The following ELMO1 variants were observed in gnomAD, a reference collection of about 807,000 sequenced individuals.
ELMO1 encodes engulfment and cell motility 1.
Under a neutral mutation model 98.9 loss-of-function variants are expected in ELMO1, and 26 were observed. The observed-to-expected ratio is 0.26, with a 90% CI of 0.19 to 0.36. The LOEUF (loss-of-function observed/expected upper bound fraction) is 0.36. Ranked by LOEUF, ELMO1 falls within the 10% of genes least tolerant of loss-of-function variation. The probability of loss-of-function intolerance (pLI) is 1.00; values close to 1 mark genes in which losing one functional copy is unlikely to be tolerated. For synonymous variants in ELMO1, 346 were observed against 346.0 expected (o/e 1.00, Z 0.00); for missense variants, 627 against 935.2 (o/e 0.67, Z 4.30).
chr7:36,978,718 A>G (rs1409766512), intron 16 of ELMO1, among the ~76,000 whole-genome samples: 1 of 152,202 alleles, frequency 6.6e-6, no homozygotes, highest in South Asian at 2.1e-4. Context: ...CTAGAAGCAC[A>G]ATATCATTTG....
chr7:37,127,644 A>G (rs531086092), intron 14 of ELMO1, among the ~76,000 whole-genome samples: 1 of 152,328 alleles, frequency 6.6e-6, no homozygotes, highest in African/African-American at 2.4e-5. Context: ...CTCTGGCCAA[A>G]CGGGAAGGTG....
intron 16 of ELMO1, among the ~76,000 whole-genome samples, chr7:36,958,893 T>C (rs1199407002): frequency 1.3e-5 from 2 of 152,026 alleles, no homozygotes; most frequent in African/African-American, 2.4e-5. Flanking sequence ...CTACAAATTA[T>C]GTCTCTAGTC....
In ELMO1 at chr7:37,192,806, A is replaced by AAC. The variant is rs372884898; in HGVS notation, c.1086+18579_1086+18580insGT. Among the ~76,000 whole-genome samples, 930 of 147,854 alleles carry AAC rather than the reference A, an allele frequency of 6.3e-3. 9 individuals are homozygous for AAC. The highest frequency in any genetic ancestry group is 9.6e-3 in the Non-Finnish European group (648 of 67,254). ...AAACGAGACTCTGTCTCAAAAAAAAAAAAAAAAATGTGTGTGTGTGTATAT... is the reference window on the plus strand; with the variant it reads ...AAACGAGACTCTGTCTCAAAAAAAAAACAAAAAAAATGTGTGTGTGTGTATAT... On this transcript the variant is annotated intron_variant, in intron 13 of 21. Coordinates refer to ENST00000310758, the MANE Select transcript of ELMO1 (RefSeq NM_014800.11).
At chr7:37,190,838 C>A (rs1453506853) in intron 13 of ELMO1, among the ~76,000 whole-genome samples, 1 of 151,712 alleles carries the variant, frequency 6.6e-6, no homozygotes, top group African/African-American at 2.4e-5. Context: ...AAAAAAATTT[C>A]AAAAACCTAT....
chr7:37,358,178 A>G (rs1394242320), intron 1 of ELMO1, among the ~76,000 whole-genome samples: 1 of 152,142 alleles, frequency 6.6e-6, no homozygotes, highest in Non-Finnish European at 1.5e-5. Context: ...GAAAATAGAG[A>G]AACTTCCAAC....
At chr7:37,034,962 T>A (rs1795097375) in intron 15 of ELMO1, among the ~76,000 whole-genome samples, 1 of 152,174 alleles carries the variant, frequency 6.6e-6, no homozygotes, top group Non-Finnish European at 1.5e-5. Context: ...TGAGCAGCTT[T>A]ATAGATAAAG....
chr7:37,025,143 G>A (rs183519435), intron 15 of ELMO1, among the ~76,000 whole-genome samples: 7 of 152,114 alleles, frequency 4.6e-5, no homozygotes, highest in Admixed American at 1.3e-4. Context: ...CCCTTCATCC[G>A]TTGGCAAAAT....
chr7:37,032,670 T>A (rs1794943966), intron 15 of ELMO1, among the ~76,000 whole-genome samples: 1 of 152,106 alleles, frequency 6.6e-6, no homozygotes, highest in Non-Finnish European at 1.5e-5. Context: ...GAGAGGACAA[T>A]CCAACCACGA....
At chr7:37,191,392 A>T (rs1356814123) in intron 13 of ELMO1, among the ~76,000 whole-genome samples, 1 of 152,122 alleles carries the variant, frequency 6.6e-6, no homozygotes, top group Non-Finnish European at 1.5e-5. Flanking sequence ...TACCTCATGG[A>T]AACAAGGAAG....
intron 1 of ELMO1, among the ~76,000 whole-genome samples, chr7:37,364,800 T>C (rs984902178): frequency 1.3e-5 from 2 of 152,192 alleles, no homozygotes; most frequent in African/African-American, 2.4e-5. Flanking sequence ...GATAGAAAGA[T>C]AACACAAAAA....
At chr7:37,149,640 G>C (rs1167430681) in intron 13 of ELMO1, among the ~76,000 whole-genome samples, 2 of 152,156 alleles carry the variant, frequency 1.3e-5, no homozygotes, top group Admixed American at 6.5e-5. Flanking sequence ...CAGAAGCTGT[G>C]ACACAGCCTT....
chr7:36,923,183 T>C (rs1352488942), intron 16 of ELMO1, among the ~76,000 whole-genome samples: 1 of 152,140 alleles, frequency 6.6e-6, no homozygotes, highest in Non-Finnish European at 1.5e-5. Flanking sequence ...CTAGCATCCC[T>C]CAGATGCCAA....
chr7:37,284,525 A>G (rs913238930), intron 4 of ELMO1, among the ~76,000 whole-genome samples: 1 of 152,118 alleles, frequency 6.6e-6, no homozygotes, highest in Non-Finnish European at 1.5e-5. Context: ...GCTGGCTCTG[A>G]GCATCTCCCA....
In ELMO1 at chr7:37,175,338, C is replaced by T. The variant is rs181563694; in HGVS notation, c.1086+36048G>A. ...ACTACCAAATCTCTACATTTGTCTG[C>T]AAATTTTCAATGTCCAGTTGGAACG... On this transcript the variant is annotated intron_variant, in intron 13 of 21. Transcript: ENST00000310758. 3.2e-3 allele frequency among the ~76,000 whole-genome samples: 481 copies of T among 152,320 alleles called. 2 individuals carry two copies. The highest frequency in any genetic ancestry group is 5.6e-3 in the Admixed American group (85 of 15,304).
intron 1 of ELMO1, among the ~76,000 whole-genome samples, chr7:37,373,119 C>A (rs1012043394): frequency 2.0e-5 from 3 of 152,208 alleles, no homozygotes; most frequent in Non-Finnish European, 4.4e-5. Context: ...TTTCATGGTG[C>A]AGCAGGAGAC....
At chr7:36,960,909 T>C (rs1309372638) in intron 16 of ELMO1, among the ~76,000 whole-genome samples, 1 of 152,204 alleles carries the variant, frequency 6.6e-6, no homozygotes, top group Non-Finnish European at 1.5e-5. Flanking sequence ...ACCACTTTTC[T>C]GCCGCACTTG....
intron 15 of ELMO1, among the ~76,000 whole-genome samples, chr7:37,085,183 T>C (rs762512597): frequency 6.6e-6 from 1 of 152,186 alleles, no homozygotes; most frequent in African/African-American, 2.4e-5. Context: ...AGGTTAAGGA[T>C]GAGAAATAAA....
chr7:36,868,912 G>A (rs753274132), intron 20 of ELMO1, among the ~76,000 whole-genome samples: 16 of 152,090 alleles, frequency 1.1e-4, no homozygotes, highest in African/African-American at 3.6e-4. Context: ...GGACCTCCTC[G>A]GCTGAAGCTG....
chr7:37,119,630 A>G (rs1785864017), intron 14 of ELMO1, among the ~76,000 whole-genome samples: 1 of 152,240 alleles, frequency 6.6e-6, no homozygotes, highest in Non-Finnish European at 1.5e-5. Context: ...ATAATGAAAC[A>G]ATCTTGAGAA....
Sources: gnomAD v4.1 joint callset for allele counts (sites outside exome capture counted in the v4.1 genomes callset) on GRCh38, gnomAD v4.1.1 for gene constraint, MANE v1.5 for transcripts, NCBI Gene and HGNC (gene_info 2026-07-23, HGNC 2026-07-21) for gene names.